The following GSE1 variants were observed in gnomAD, a reference collection of about 807,000 sequenced individuals.
GSE1 encodes Gse1 coiled-coil protein, also known as genetic suppressor element 1.
Under a neutral mutation model 112.6 loss-of-function variants are expected in GSE1, and 32 were observed. The ratio of observed to expected loss-of-function variants is 0.28; its 90% CI spans 0.21 to 0.38. The LOEUF is 0.38. Ranked by LOEUF, GSE1 falls within the 10% of genes least tolerant of loss-of-function variation. The pLI, the probability that GSE1 is intolerant of heterozygous loss-of-function variation, is 1.00. For synonymous variants in GSE1, 1,115 were observed against 735.6 expected, an observed-to-expected ratio of 1.52 and a Z score of -8.35; for missense variants, 2,348 against 1,699.2, an observed-to-expected ratio of 1.38 and a Z score of -6.71.
chr16:85,587,171 C>A (rs1216326775), intron 1 of GSE1, among the ~76,000 whole-genome samples: 4 of 149,372 alleles, frequency 2.7e-5, no homozygotes, highest in African/African-American at 4.9e-5. Context: ...GGACGAAACC[C>A]CCCCCCCCCC....
chr16:85,519,932 A>T (rs150543127), intron 2 of GSE1, among the ~76,000 whole-genome samples: 1 of 151,944 alleles, frequency 6.6e-6, no homozygotes, highest in African/African-American at 2.4e-5. Flanking sequence ...CATGCCCTCT[A>T]TACTTGGGAA....
intron 2 of GSE1, among the ~76,000 whole-genome samples, chr16:85,360,875 A>G (rs1468816669): frequency 6.6e-6 from 1 of 151,762 alleles, no homozygotes; most frequent in Admixed American, 6.6e-5. Context: ...ACCTGCATAG[A>G]TTTTTCCCAA....
exon 1 of GSE1, chr16:85,170,200 G>C: frequency 1.0e-6 from 1 of 985,392 alleles, no homozygotes; most frequent in Non-Finnish European, 1.2e-6. Flanking sequence ...ACAGGGCGCA[G>C]AGGCCTCGGC....
intron 2 of GSE1, among the ~76,000 whole-genome samples, chr16:85,364,264 C>T (rs8057334): frequency 0.65 from 98,968 of 152,016 alleles, 32,574 homozygotes; most frequent in South Asian, 0.71. Flanking sequence ...CCGGGTGGCA[C>T]CTCCTTCTCT....
intron 2 of GSE1, among the ~76,000 whole-genome samples, chr16:85,638,699 C>A: frequency 6.7e-6 from 1 of 148,288 alleles, no homozygotes; most frequent in African/African-American, 2.5e-5. Context: ...CTCCTTTCAC[C>A]TTCCCCATTC....
intron 1 of GSE1, among the ~76,000 whole-genome samples, chr16:85,561,722 G>T (rs971407737): frequency 1.3e-5 from 2 of 152,202 alleles, no homozygotes; most frequent in African/African-American, 4.8e-5. Flanking sequence ...TATCTCATCC[G>T]GCCTGTCCTA....
intron 2 of GSE1, among the ~76,000 whole-genome samples, chr16:85,399,370 G>A (rs149753703): frequency 2.1e-4 from 32 of 152,266 alleles, no homozygotes; most frequent in Non-Finnish European, 3.4e-4. Flanking sequence ...GTCCACGGGG[G>A]CTCCACGGCC....
At chr16:85,197,279 A>C (rs1329778323) in intron 1 of GSE1, among the ~76,000 whole-genome samples, 1 of 152,040 alleles carries the variant, frequency 6.6e-6, no homozygotes, top group African/African-American at 2.4e-5. Flanking sequence ...CCACTTGGAG[A>C]GGGGCGGGAA....
At chr16:85,548,328 A>G (rs1422589386) in intron 2 of GSE1, among the ~76,000 whole-genome samples, 1 of 151,348 alleles carries the variant, frequency 6.6e-6, no homozygotes, top group African/African-American at 2.4e-5. Flanking sequence ...AACTATAGTC[A>G]CCCTACTGAT....
chr16:85,651,966 C>T (rs1362302851), intron 3 of GSE1, among the ~76,000 whole-genome samples: 3 of 152,238 alleles, frequency 2.0e-5, no homozygotes, highest in Non-Finnish European at 4.4e-5. Flanking sequence ...GTGCTCCGTT[C>T]CTCAGATGTT....
chr16:85,336,323 C>A (rs1244203301), intron 1 of GSE1, among the ~76,000 whole-genome samples: 1 of 152,250 alleles, frequency 6.6e-6, no homozygotes, highest in African/African-American at 2.4e-5. Flanking sequence ...AAGCCTGGCA[C>A]TGAGCCAGGG....
upstream of GSE1, among the ~76,000 whole-genome samples, chr16:85,608,155 T>C (rs1468562105): frequency 1.3e-5 from 2 of 151,684 alleles, no homozygotes; most frequent in African/African-American, 2.4e-5. Context: ...TCTGGGCCAG[T>C]GATAGCAGGG....
At chr16:85,518,410 G>A (rs111939728) in intron 2 of GSE1, among the ~76,000 whole-genome samples, 11,610 of 152,148 alleles carry the variant, frequency 0.076, 505 homozygotes, top group African/African-American at 0.11. Context: ...CATCTCATTC[G>A]CTGTCACACA....
chr16:85,634,156 C>T (rs1038904102), intron 2 of GSE1, 24 bp downstream of exon 2: 34 of 1,398,060 alleles, frequency 2.4e-5, no homozygotes, highest in South Asian at 1.1e-4. Context: ...CCAGGCTGCG[C>T]GTGGGGGGAG....
intron 1 of GSE1, among the ~76,000 whole-genome samples, chr16:85,314,268 C>T (rs947255283): frequency 1.3e-5 from 2 of 152,222 alleles, no homozygotes; most frequent in Non-Finnish European, 2.9e-5. Context: ...AGACCCTACA[C>T]ACGTCTCGCC....
intron 2 of GSE1, among the ~76,000 whole-genome samples, chr16:85,497,648 AC>A (rs1190518870): frequency 6.6e-6 from 1 of 152,118 alleles, no homozygotes; most frequent in African/African-American, 2.4e-5. Context: ...GTGAACTTAC[AC>A]CTTTGTCACA....
At chr16:85,643,327 G>T (rs1346707891) in intron 2 of GSE1, among the ~76,000 whole-genome samples, 1 of 152,082 alleles carries the variant, frequency 6.6e-6, no homozygotes, top group East Asian at 1.9e-4. Flanking sequence ...CGAGGGCCAG[G>T]TGCCAGCCTC....
rs78474194 is a variant in GSE1 at position 85,442,882 on chromosome 16, C to G, written c.2464+85239C>G. ...TGGGGTTGATTTCTCCTGGAGGTCC[C>G]CGGAGGAAATCCATCCTTGTCCCTT... On this transcript the variant is annotated intron_variant, in intron 2 of 2. Coordinates refer to the GSE1 transcript ENST00000637419. 5.3e-3 allele frequency among the ~76,000 whole-genome samples: 803 copies of G among 152,300 alleles called. 12 individuals are homozygous for G. Among genetic ancestry groups the G allele is most frequent in the African/African-American group, 0.019 (769 of 41,566 alleles).
intron 1 of GSE1, among the ~76,000 whole-genome samples, chr16:85,631,046 C>T (rs1567681317): frequency 6.6e-6 from 1 of 152,168 alleles, no homozygotes; most frequent in Non-Finnish European, 1.5e-5. Context: ...GGGCCCTGCT[C>T]CTGTCTTCCA....
Sources: gnomAD v4.1 joint callset for allele counts (sites outside exome capture counted in the v4.1 genomes callset) on GRCh38, gnomAD v4.1.1 for gene constraint, MANE v1.5 for transcripts, NCBI Gene and HGNC (gene_info 2026-07-23, HGNC 2026-07-21) for gene names.